Variants in CTNNA2 observed in about 807,000 individuals in gnomAD.
CTNNA2 encodes the protein catenin alpha 2.
Under a neutral mutation model 101.0 loss-of-function variants are expected in CTNNA2, and 42 were observed. That is an observed-to-expected ratio of 0.42 (90% CI 0.32 to 0.54). The LOEUF is 0.54. Ranked by LOEUF, CTNNA2 falls within the 20% of genes least tolerant of loss-of-function variation. The probability of loss-of-function intolerance (pLI) is 0.14; values close to 1 mark genes in which losing one functional copy is unlikely to be tolerated. For missense variants in CTNNA2, 871 were observed against 1,223.1 expected, an observed-to-expected ratio of 0.71 and a Z score of 4.29; for synonymous variants, 450 against 456.4, an observed-to-expected ratio of 0.99 and a Z score of 0.18.
intron 9 of CTNNA2, among the ~76,000 whole-genome samples, chr2:80,539,345 T>C (rs192927996): frequency 2.2e-4 from 34 of 151,176 alleles, no homozygotes; most frequent in Non-Finnish European, 2.5e-4. Context: ...TGTTGTTCTT[T>C]CTAGTTCTGC....
intron 4 of CTNNA2, among the ~76,000 whole-genome samples, chr2:79,422,456 T>C (rs1678549701): frequency 6.6e-6 from 1 of 152,170 alleles, no homozygotes; most frequent in Non-Finnish European, 1.5e-5. Context: ...AAAAATCTTA[T>C]CCAGCCCCAA....
chr2:79,663,278 C>T (rs898673640), intron 2 of CTNNA2, among the ~76,000 whole-genome samples: 12 of 152,184 alleles, frequency 7.9e-5, no homozygotes, highest in Non-Finnish European at 1.3e-4. Context: ...ATTCTCTATT[C>T]GGCAACCAGA....
chr2:79,452,241 A>G (rs1670764961), intron 4 of CTNNA2, among the ~76,000 whole-genome samples: 1 of 152,094 alleles, frequency 6.6e-6, no homozygotes, highest in African/African-American at 2.4e-5. Flanking sequence ...CAAGTTTCAC[A>G]TCAGTCTCTA....
intron 3 of CTNNA2, among the ~76,000 whole-genome samples, chr2:79,368,687 G>A (rs535901831): frequency 3.1e-4 from 47 of 152,158 alleles, no homozygotes; most frequent in African/African-American, 1.1e-3. Context: ...CACACACAGC[G>A]CTGCCAGGAA....
chr2:80,164,064 T>C (rs1330644152), intron 7 of CTNNA2, among the ~76,000 whole-genome samples: 1 of 151,860 alleles, frequency 6.6e-6, no homozygotes, highest in African/African-American at 2.4e-5. Flanking sequence ...GATTTTCTTA[T>C]AGAGAGCATA....
At chr2:80,192,255 G>A (rs537775337) in intron 7 of CTNNA2, among the ~76,000 whole-genome samples, 6 of 152,234 alleles carry the variant, frequency 3.9e-5, no homozygotes, top group African/African-American at 7.2e-5. Flanking sequence ...ATCTAACTAC[G>A]TACAGGCAAG....
At chr2:80,417,915 T>C (rs1253530002) in intron 8 of CTNNA2, among the ~76,000 whole-genome samples, 1 of 152,166 alleles carries the variant, frequency 6.6e-6, no homozygotes, top group African/African-American at 2.4e-5. Context: ...GCAGACAGCT[T>C]TTCAAGCTTC....
chr2:80,442,349 A>C (rs1682666201), intron 9 of CTNNA2, among the ~76,000 whole-genome samples: 1 of 152,222 alleles, frequency 6.6e-6, no homozygotes, highest in Non-Finnish European at 1.5e-5. Context: ...TGTATTGCCC[A>C]GCCATCTGGA....
At chr2:79,998,610 C>G (rs531868777) in intron 7 of CTNNA2, among the ~76,000 whole-genome samples, 73 of 152,194 alleles carry the variant, frequency 4.8e-4, no homozygotes, top group Admixed American at 2.1e-3. Flanking sequence ...GAAAGATAAA[C>G]CTTCCCAAAC....
rs75064552 is a variant in CTNNA2, at chr2:79,889,192, A to G, written c.852+14850A>G. 7.1e-3 allele frequency among the ~76,000 whole-genome samples: 1,076 copies of G among 152,292 alleles called. 15 individuals carry two copies. Among genetic ancestry groups the G allele is most frequent in the African/African-American group, 0.025 (1,030 of 41,570 alleles). ...TGAAGTAAACCACACACAAACACAC[A>G]CACACACGTGCAACAACTGCACGTG... On this transcript the variant is annotated intron_variant, in intron 6 of 18. Transcript: ENST00000402739.
Position 80,581,828 on chromosome 2 carries a change from A to T in CTNNA2, c.2007+9A>T. 6.5e-7 allele frequency: 1 copy of T among 1,536,230 alleles called. No individual in the cohort carries two copies. The highest frequency in any genetic ancestry group is 1.1e-5 in the South Asian group (1 of 89,510). ...CAGGGCAGAGCGCACGGGTGAGTGG[A>T]CACCTAAGACTTTGGCTTGGCACAC... is the stretch of plus-strand genomic sequence containing the variant. On this transcript the variant is annotated intron_variant, in intron 14 of 18. Coordinates refer to ENST00000402739, the MANE Select transcript of CTNNA2 (RefSeq NM_001282597.3).
intron 7 of CTNNA2, among the ~76,000 whole-genome samples, chr2:80,271,191 G>A (rs907354398): frequency 2.0e-5 from 3 of 152,206 alleles, no homozygotes; most frequent in African/African-American, 4.8e-5. Context: ...AAGAGAGTCT[G>A]TCTTTATCCC....
At chr2:79,483,131 TC>T (rs1400979582) in intron 4 of CTNNA2, among the ~76,000 whole-genome samples, 1 of 152,170 alleles carries the variant, frequency 6.6e-6, no homozygotes, top group Non-Finnish European at 1.5e-5. Context: ...GCATGTGCCT[TC>T]CTGGCAGAAT....
chr2:79,879,629 T>C (rs1480433390), intron 6 of CTNNA2, among the ~76,000 whole-genome samples: 1 of 152,146 alleles, frequency 6.6e-6, no homozygotes, highest in Non-Finnish European at 1.5e-5. Context: ...TGTCTGTTAT[T>C]GATGTAAAGG....
intron 9 of CTNNA2, among the ~76,000 whole-genome samples, chr2:80,498,089 G>C (rs558630438): frequency 2.3e-4 from 35 of 152,276 alleles, no homozygotes; most frequent in African/African-American, 7.9e-4. Flanking sequence ...ATTTCCAGGA[G>C]CAGGGTATCA....
At chr2:79,787,858 C>G (rs1440681561) in intron 3 of CTNNA2, among the ~76,000 whole-genome samples, 1 of 152,026 alleles carries the variant, frequency 6.6e-6, no homozygotes. Context: ...ATCTTCCCCT[C>G]TCCAGACCTA....
At chr2:79,651,684 G>T in intron 2 of CTNNA2, 26 bp downstream of exon 2, 1 of 1,571,696 alleles carries the variant, frequency 6.4e-7, no homozygotes, top group Non-Finnish European at 8.8e-7. Flanking sequence ...AAACCACTTT[G>T]TTATATATGT....
intron 7 of CTNNA2, among the ~76,000 whole-genome samples, chr2:80,306,241 T>C (rs1245260422): frequency 6.6e-6 from 1 of 152,154 alleles, no homozygotes; most frequent in Non-Finnish European, 1.5e-5. Context: ...TCACATGCTG[T>C]CTTAGGAGTT....
Position 80,424,979 on chromosome 2 carries a change from C to T in CTNNA2, c.1290+5378C>T, listed in dbSNP as rs1053087310. Among the ~76,000 whole-genome samples, 9 of 152,288 alleles carry T rather than the reference C, an allele frequency of 5.9e-5. No homozygotes were observed. The East Asian group carries it at 1.7e-3, about 29-fold the overall frequency. Reference sequence around the variant, plus strand: ...AGCTCCATTTTCTGCCTCCTCAGCCCTATGAGATTGCTGAAAACTCCAAGG... The same window carrying T: ...AGCTCCATTTTCTGCCTCCTCAGCCTTATGAGATTGCTGAAAACTCCAAGG... On this transcript the variant is annotated intron_variant, in intron 9 of 18. Transcript: ENST00000402739.
Sources: allele counts gnomAD v4.1 joint callset (sites outside exome capture counted in the v4.1 genomes callset), GRCh38; gene constraint gnomAD v4.1.1; transcripts MANE v1.5; gene names NCBI Gene and HGNC (gene_info 2026-07-23, HGNC 2026-07-21).